RAB37: variants seen among roughly 807,000 people sequenced by gnomAD.
The protein encoded by RAB37 is RAB37, member RAS oncogene family.
RAB37 carries 29 observed loss-of-function variants against 33.1 expected under a neutral mutation model. That is an observed-to-expected ratio of 0.88 (90% CI 0.65 to 1.20). The LOEUF (loss-of-function observed/expected upper bound fraction) is 1.20, where lower values mean the gene tolerates loss of function less well. Ranked by LOEUF, RAB37 falls within the 50% of genes most tolerant of loss-of-function variation. RAB37 has a pLI of 0.00. For missense variants in RAB37, 299 were observed against 301.1 expected (o/e 0.99, Z 0.05); for synonymous variants, 128 against 119.5 (o/e 1.07, Z -0.47).
intron 1 of RAB37, among the ~76,000 whole-genome samples, chr17:74,684,349 T>C (rs1270840571): frequency 3.3e-5 from 5 of 150,812 alleles, no homozygotes; most frequent in Non-Finnish European, 5.9e-5. Context: ...TGCCTCAGTC[T>C]CCCAAAGTGC....
intron 1 of RAB37, chr17:74,677,351 G>A (rs1021722647): frequency 6.6e-6 from 1 of 151,842 alleles, no homozygotes; most frequent in Non-Finnish European, 1.5e-5. Context: ...GACCATACTC[G>A]CCATTCTGTG....
intron 1 of RAB37, among the ~76,000 whole-genome samples, chr17:74,679,132 G>A (rs1000749104): frequency 2.0e-5 from 3 of 149,190 alleles, no homozygotes; most frequent in Admixed American, 6.7e-5. Context: ...AAAAGGCAAA[G>A]TAAACATTTC....
chr17:74,688,785 A>T (rs2032103498), intron 1 of RAB37, among the ~76,000 whole-genome samples: 1 of 152,118 alleles, frequency 6.6e-6, no homozygotes, highest in African/African-American at 2.4e-5. Flanking sequence ...ATGAAGAAAG[A>T]TTTTGCAATC....
chr17:74,687,452 G>C (rs2032076515), intron 1 of RAB37, among the ~76,000 whole-genome samples: 1 of 151,762 alleles, frequency 6.6e-6, no homozygotes, highest in Admixed American at 6.6e-5. Context: ...TCAAACTCCT[G>C]ACCTCAGGTG....
intron 1 of RAB37, chr17:74,695,318 C>T: frequency 6.3e-7 from 1 of 1,583,530 alleles, no homozygotes; most frequent in Non-Finnish European, 8.6e-7. Flanking sequence ...GCAGAGGAGC[C>T]CTCGGAGGAG....
upstream of RAB37, chr17:74,736,905 G>A: frequency 6.7e-7 from 1 of 1,490,748 alleles, no homozygotes; most frequent in East Asian, 2.5e-5. Context: ...GCCTGCTGTC[G>A]CGGTGCGCAG....
At chr17:74,689,129 T>C (rs2032112243) in intron 1 of RAB37, among the ~76,000 whole-genome samples, 1 of 152,146 alleles carries the variant, frequency 6.6e-6, no homozygotes, top group African/African-American at 2.4e-5. Context: ...TGAAACCCTG[T>C]CTCTACTAAA....
At chr17:74,741,553 T>C in intron 2 of RAB37, among the ~76,000 whole-genome samples, 1 of 135,102 alleles carries the variant, frequency 7.4e-6, no homozygotes, top group African/African-American at 2.9e-5. Flanking sequence ...GCCACTGCAC[T>C]CCAGCCTGGG....
intron 1 of RAB37, among the ~76,000 whole-genome samples, chr17:74,701,258 A>T (rs1467626521): frequency 6.6e-6 from 1 of 152,246 alleles, no homozygotes; most frequent in African/African-American, 2.4e-5. Flanking sequence ...ATTTGGTTAC[A>T]CTAATTAGCT....
chr17:74,720,850 C>T (rs549556126), intron 1 of RAB37, among the ~76,000 whole-genome samples: 47 of 152,024 alleles, frequency 3.1e-4, no homozygotes, highest in African/African-American at 1.1e-3. Flanking sequence ...ATGATGAATG[C>T]GGAGATTTTA....
At chr17:74,721,092 G>A (rs1216697179) in intron 1 of RAB37, among the ~76,000 whole-genome samples, 1 of 152,198 alleles carries the variant, frequency 6.6e-6, no homozygotes, top group Admixed American at 6.5e-5. Context: ...CTGCTCGTCT[G>A]CCAAGAGCTT....
chr17:74,736,994 C>G (rs1438482493), upstream of RAB37: 1 of 1,590,394 alleles, frequency 6.3e-7, no homozygotes, highest in Non-Finnish European at 8.6e-7. Context: ...CCACAGGGGA[C>G]CGGTCCCGGG....
At chr17:74,737,158 A>G, upstream of RAB37, 1 of 1,385,478 alleles carries the variant, frequency 7.2e-7, no homozygotes, top group Non-Finnish European at 9.5e-7. Flanking sequence ...GGACGGAGGG[A>G]GGAGCCTGAG....
intron 1 of RAB37, among the ~76,000 whole-genome samples, chr17:74,717,808 T>TA (rs34747683): frequency 0.13 from 12,369 of 91,896 alleles, 726 homozygotes; most frequent in East Asian, 0.2. Context: ...AAACTCCATC[T>TA]AAAAAAAAAA....
intron 1 of RAB37, among the ~76,000 whole-genome samples, chr17:74,723,530 G>A (rs1302605704): frequency 6.6e-6 from 1 of 151,794 alleles, no homozygotes; most frequent in Non-Finnish European, 1.5e-5. Flanking sequence ...TCTGAATGGT[G>A]GCAAAGTTGA....
intron 1 of RAB37, among the ~76,000 whole-genome samples, chr17:74,710,409 G>A (rs1428124657): frequency 6.6e-6 from 1 of 152,140 alleles, no homozygotes; most frequent in Non-Finnish European, 1.5e-5. Context: ...TAATAGAGTG[G>A]CTAAATAATA....
At chr17:74,718,825 T>C (rs2034202438) in intron 1 of RAB37, among the ~76,000 whole-genome samples, 1 of 152,210 alleles carries the variant, frequency 6.6e-6, no homozygotes, top group African/African-American at 2.4e-5. Context: ...CTATTACCAA[T>C]CTTTTGTTCT....
rs536525352 is a variant in RAB37, at chr17:74,743,328, C to T, written c.354C>T (p.Phe118=). The part of the protein sequence containing the change: ...LLYDITNKSS[F]DNIRAWLTEI... ...ATGACATCACCAACAAATCTTCTTT[C>T]GACAACATCAGGGTAGGTCCTCCCT... is the stretch of plus-strand genomic sequence containing the variant. Residue 118 remains phenylalanine (F), a synonymous_variant, in exon 5 of 9, where the codon TTC becomes TTT. Coordinates refer to ENST00000392613, the MANE Select transcript of RAB37 (RefSeq NM_001006638.3). The T allele has an allele frequency of 6.2e-6, 10 of 1,614,114 alleles. No homozygotes were observed. Among genetic ancestry groups the T allele is most frequent in the South Asian group, 3.3e-5 (3 of 91,080 alleles).
chr17:74,737,923 G>A (rs759159123), intron 1 of RAB37, among the ~76,000 whole-genome samples: 2 of 152,178 alleles, frequency 1.3e-5, no homozygotes, highest in Admixed American at 6.5e-5. Flanking sequence ...GAAGGATGTT[G>A]CCAGCCGGCC....
Sources: gnomAD v4.1 joint callset for allele counts (sites outside exome capture counted in the v4.1 genomes callset) on GRCh38, gnomAD v4.1.1 for gene constraint, MANE v1.5 for transcripts, NCBI Gene and HGNC (gene_info 2026-07-23, HGNC 2026-07-21) for gene names.